The following NT5C1A variants were observed in gnomAD, a reference collection of about 807,000 sequenced individuals.
NT5C1A encodes the protein cytosolic 5'-nucleotidase 1A.
A neutral mutation model predicts 31.0 loss-of-function variants in NT5C1A; 18 were observed. The observed-to-expected ratio is 0.58, with a 90% confidence interval of 0.40 to 0.86. NT5C1A has a LOEUF of 0.86. NT5C1A is among the 40% of genes least tolerant of loss of function. NT5C1A has a pLI of 0.00. For missense variants in NT5C1A, 470 were observed against 505.4 expected, an observed-to-expected ratio of 0.93 and a Z score of 0.67; for synonymous variants, 185 against 203.6, an observed-to-expected ratio of 0.91 and a Z score of 0.78.
At position 39,653,293 on chromosome 1, in the gene NT5C1A, GTACAAC is replaced by G. The variant is rs1242673342; in HGVS notation, c.*5822_*5827del. Reference sequence around the variant, plus strand: ...AATGCCCATGTTATGATGGAAATGGGTACAACTATCCTAGGGCTGGCCATCAGTATG... The same window carrying G: ...AATGCCCATGTTATGATGGAAATGGGTATCCTAGGGCTGGCCATCAGTATG... On this transcript the variant is annotated 3_prime_UTR_variant, in exon 6 of 6. Transcript: ENST00000235628. 6.6e-6 allele frequency among the ~76,000 whole-genome samples: 1 copy of G among 151,970 alleles called. No homozygotes were observed. The highest frequency in any genetic ancestry group is 1.5e-5 in the Non-Finnish European group (1 of 68,008).
intron 4 of NT5C1A, among the ~76,000 whole-genome samples, chr1:39,662,726 C>T (rs991561715): frequency 5.9e-5 from 9 of 152,196 alleles, no homozygotes; most frequent in Admixed American, 2.0e-4. Context: ...CAATAGGATA[C>T]GCACCTCGTT....
In NT5C1A at chr1:39,656,287, C is replaced by G. The variant is rs1207882998; in HGVS notation, c.*2834G>C. ...GGTGTTCACCTGGCTTTTTAATTTA[C>G]TGGTGAACAACACTCAATGTTCCTC... On this transcript the variant is annotated 3_prime_UTR_variant, in exon 6 of 6. Coordinates refer to ENST00000235628, the MANE Select transcript of NT5C1A (RefSeq NM_032526.3). Among the ~76,000 whole-genome samples, 1 of 152,192 alleles carries G rather than the reference C, an allele frequency of 6.6e-6. No homozygotes were observed. The highest frequency in any genetic ancestry group is 1.5e-5 in the Non-Finnish European group (1 of 68,050).
chr1:39,659,570 G>A (rs780806611), intron 5 of NT5C1A, 84 bp from the exon 6 acceptor site: 1 of 1,483,422 alleles, frequency 6.7e-7, no homozygotes, highest in Non-Finnish European at 9.0e-7. Flanking sequence ...CTAGTGTCTT[G>A]TTTGGTGTGG....
chr1:39,661,284 A>G, intron 4 of NT5C1A, 21 bp from the exon 5 acceptor site: 1 of 1,449,232 alleles, frequency 6.9e-7, no homozygotes, highest in Non-Finnish European at 9.7e-7. Context: ...AGAGGCAAGC[A>G]TTGTCTGCCT....
chr1:39,664,830 A>G (rs1025882810), intron 3 of NT5C1A, among the ~76,000 whole-genome samples: 7 of 151,812 alleles, frequency 4.6e-5, no homozygotes, highest in African/African-American at 1.7e-4. Flanking sequence ...AAAGCAGAGA[A>G]ATCCAATTTC....
At chr1:39,662,129 C>T (rs930710511) in intron 4 of NT5C1A, among the ~76,000 whole-genome samples, 1 of 152,218 alleles carries the variant, frequency 6.6e-6, no homozygotes, top group Non-Finnish European at 1.5e-5. Flanking sequence ...CGAGCTCATT[C>T]CCTAGTCTCC....
rs1171737401 is a variant in NT5C1A at position 39,661,150 on chromosome 1, T to C, written c.670A>G (p.Ile224Val). 3 of 1,601,522 alleles carry C rather than the reference T, an allele frequency of 1.9e-6. No individual in the cohort carries two copies. The highest frequency in any genetic ancestry group is 1.1e-5 in the South Asian group (1 of 90,646). The change falls in exon 5 of 6, where the codon ATC becomes GTC. Residue 224 changes from isoleucine (I) to valine (V), a missense_variant. By Grantham distance (29) the Ile-to-Val change is conservative. Coordinates refer to ENST00000235628, the MANE Select transcript of NT5C1A (RefSeq NM_032526.3). ...AVLFSDESER[I>V]VKAHGLDRFF... is the part of the protein sequence containing the mutation. ...CGGTCCAGCCCGTGGGCCTTGACGA[T>C]GCGCTCCGACTCGTCCGAGAAGAGC...
rs1428351481 is a variant in NT5C1A at position 39,657,644 on chromosome 1, G to A, written c.*1477C>T. ...GCAAAGGAGGAGGCTGACTCATCAAGCGGTGAGAGTTCTCCTCTGAAAGTG... is the reference window on the plus strand; with the variant it reads ...GCAAAGGAGGAGGCTGACTCATCAAACGGTGAGAGTTCTCCTCTGAAAGTG... On this transcript the variant is annotated 3_prime_UTR_variant, in exon 6 of 6. Transcript: ENST00000235628. Among the ~76,000 whole-genome samples, 2 of 152,216 alleles carry A rather than the reference G, an allele frequency of 1.3e-5. No individual in the cohort carries two copies. Among genetic ancestry groups the A allele is most frequent in the Admixed American group, 1.3e-4 (2 of 15,288 alleles).
chr1:39,670,610 T>A (rs1301195897), intron 1 of NT5C1A, among the ~76,000 whole-genome samples: 1 of 152,194 alleles, frequency 6.6e-6, no homozygotes, highest in Non-Finnish European at 1.5e-5. Context: ...CTGACCCCCT[T>A]GAGTAAGGTC....
chr1:39,659,032 A>T lies in NT5C1A; in HGVS notation c.*89T>A. On this transcript the variant is annotated 3_prime_UTR_variant, in exon 6 of 6. Coordinates refer to ENST00000235628, the MANE Select transcript of NT5C1A (RefSeq NM_032526.3). ...GGGCAGACAGGCAGAAGGACAGAACAGTGAGAAACTAGAGGGATCTACCAG... is the reference window on the plus strand; with the variant it reads ...GGGCAGACAGGCAGAAGGACAGAACTGTGAGAAACTAGAGGGATCTACCAG... 1 of 1,470,978 alleles carries T rather than the reference A, an allele frequency of 6.8e-7. No homozygotes were observed. Among genetic ancestry groups the T allele is most frequent in the Admixed American group, 2.2e-5 (1 of 45,522 alleles). 91.1% of individuals were successfully genotyped at this position (1,470,978 alleles called of 1,614,324 possible). A position where few individuals can be genotyped will look rare whatever the true frequency, so the allele number is the denominator to read the frequency against.
intron 2 of NT5C1A, 66 bp from the exon 3 acceptor site, chr1:39,665,716 G>A: frequency 6.5e-7 from 1 of 1,537,474 alleles, no homozygotes; most frequent in Non-Finnish European, 8.9e-7. Flanking sequence ...TGGTGGCCAA[G>A]GATTCAGTGA....
At chr1:39,667,456 C>A (rs1646529558) in intron 1 of NT5C1A, among the ~76,000 whole-genome samples, 1 of 152,160 alleles carries the variant, frequency 6.6e-6, no homozygotes, top group South Asian at 2.1e-4. Flanking sequence ...ATCTCTGTGT[C>A]CTGAGCAGTC....
At position 39,653,811 on chromosome 1, in the gene NT5C1A, T is replaced by C. The variant is rs1646446505; in HGVS notation, c.*5310A>G. On this transcript the variant is annotated 3_prime_UTR_variant, in exon 6 of 6. Transcript: ENST00000235628. ...CACACGATGCTATTCATCCACCTCCTTGTGTTCTACCCAAGTCAGGTGAGG... is the reference window on the plus strand; with the variant it reads ...CACACGATGCTATTCATCCACCTCCCTGTGTTCTACCCAAGTCAGGTGAGG... Among the ~76,000 whole-genome samples, 1 of 152,218 alleles carries C rather than the reference T, an allele frequency of 6.6e-6. No individual in the cohort carries two copies. The highest frequency in any genetic ancestry group is 2.4e-5 in the African/African-American group (1 of 41,460).
Position 39,655,131 on chromosome 1 carries a change from G to A in NT5C1A, c.*3990C>T, listed in dbSNP as rs1014384850. Among the ~76,000 whole-genome samples the A allele has an allele frequency of 2.0e-5, 3 of 152,070 alleles. No homozygotes were observed. Among genetic ancestry groups the A allele is most frequent in the Non-Finnish European group, 4.4e-5 (3 of 68,018 alleles). ...TAATTTTTGTATTTTTAGTAGAGACGGGGTTTCATCATGTTGGGCAGGATG... is the reference window on the plus strand; with the variant it reads ...TAATTTTTGTATTTTTAGTAGAGACAGGGTTTCATCATGTTGGGCAGGATG... On this transcript the variant is annotated 3_prime_UTR_variant, in exon 6 of 6. Coordinates refer to ENST00000235628, the MANE Select transcript of NT5C1A (RefSeq NM_032526.3).
At position 39,659,237 on chromosome 1, in the gene NT5C1A, T is replaced by C; in HGVS notation, c.991A>G (p.Met331Val). ...TCCTGAGCCCCAGCCACATGGAACA[T>C]CTGGTCATCAAAGAAGATGTGTGGG... ...IRPHIFFDDQ[M>V]FHVAGAQEMG... The change falls in exon 6 of 6, where the codon ATG (methionine) becomes GTG (valine). Residue 331 changes from methionine to valine, a missense_variant. Coordinates refer to ENST00000235628, the MANE Select transcript of NT5C1A (RefSeq NM_032526.3). 6.2e-7 allele frequency: 1 copy of C among 1,614,082 alleles called. No individual in the cohort carries two copies. The highest frequency in any genetic ancestry group is 8.5e-7 in the Non-Finnish European group (1 of 1,180,028).
At position 39,663,428 on chromosome 1, in the gene NT5C1A, AAC is replaced by A; in HGVS notation, c.438_439del (p.Phe147HisfsTer37). The stretch of plus-strand genomic sequence containing the variant: ...ACCTGTCATGCAGAACCTCTCGATG[AAC>A]AGGTCTGGGAAGGAGGTAAAGGACC... On this transcript the variant is annotated frameshift_variant, in exon 4 of 6. Coordinates refer to ENST00000235628, the MANE Select transcript of NT5C1A (RefSeq NM_032526.3). LOFTEE classifies it high-confidence loss of function. 1 of 1,614,060 alleles carries A rather than the reference AAC, an allele frequency of 6.2e-7. No individual in the cohort carries two copies. Among genetic ancestry groups the A allele is most frequent in the Non-Finnish European group, 8.5e-7 (1 of 1,180,000 alleles).
rs1297131663 is a variant in NT5C1A at position 39,657,241 on chromosome 1, C to G, written c.*1880G>C. Among the ~76,000 whole-genome samples, 2 of 152,150 alleles carry G rather than the reference C, an allele frequency of 1.3e-5. No individual in the cohort carries two copies. The highest frequency in any genetic ancestry group is 2.9e-5 in the Non-Finnish European group (2 of 68,030). On this transcript the variant is annotated 3_prime_UTR_variant, in exon 6 of 6. Coordinates refer to ENST00000235628, the MANE Select transcript of NT5C1A (RefSeq NM_032526.3). Reference sequence around the variant, plus strand: ...CTCAGCCCAGCCTTTCTCTTCTGGCCCAAATCGTTGCTCATTTGAGAACCG... The same window carrying G: ...CTCAGCCCAGCCTTTCTCTTCTGGCGCAAATCGTTGCTCATTTGAGAACCG...
chr1:39,651,670 G>A lies in NT5C1A; in HGVS notation c.*7451C>T, dbSNP rs1244420891. Among the ~76,000 whole-genome samples, 2 of 152,082 alleles carry A rather than the reference G, an allele frequency of 1.3e-5. No individual in the cohort carries two copies. Among genetic ancestry groups the A allele is most frequent in the South Asian group, 2.1e-4 (1 of 4,820 alleles). ...TTCATTTTTCATCGTATTCTATATC[G>A]GAGGTTATTGAGATGCTCTTAAGTA... On this transcript the variant is annotated 3_prime_UTR_variant, in exon 6 of 6. Transcript: ENST00000235628.
In NT5C1A at chr1:39,655,652, C is replaced by T. The variant is rs1471786889; in HGVS notation, c.*3469G>A. On this transcript the variant is annotated 3_prime_UTR_variant, in exon 6 of 6. Coordinates refer to ENST00000235628, the MANE Select transcript of NT5C1A (RefSeq NM_032526.3). ...GTTTGAGTCCCAGCACTGCCACTTA[C>T]TAGCTCTATGGCTTTGGACAAGTTA... Among the ~76,000 whole-genome samples, 1 of 152,128 alleles carries T rather than the reference C, an allele frequency of 6.6e-6. No homozygotes were observed. Among genetic ancestry groups the T allele is most frequent in the East Asian group, 1.9e-4 (1 of 5,176 alleles).
Sources: gnomAD v4.1 joint callset for allele counts (sites outside exome capture counted in the v4.1 genomes callset) on GRCh38, gnomAD v4.1.1 for gene constraint, MANE v1.5 for transcripts, NCBI Gene and HGNC (gene_info 2026-07-23, HGNC 2026-07-21) for gene names.